The following NRG1 variants were observed in gnomAD, a reference collection of about 807,000 sequenced individuals.
The protein encoded by NRG1 is neuregulin 1.
In NRG1, 18 loss-of-function variants were observed where a neutral mutation model predicts 63.8. The observed-to-expected ratio is 0.28, with a 90% CI of 0.19 to 0.42. The LOEUF is 0.42. Ranked by LOEUF, NRG1 falls within the 10% of genes least tolerant of loss-of-function variation. The pLI, the probability that NRG1 is intolerant of heterozygous loss-of-function variation, is 1.00. For missense variants in NRG1, 762 were observed against 814.7 expected, an observed-to-expected ratio of 0.94 and a Z score of 0.79; for synonymous variants, 302 against 301.3, an observed-to-expected ratio of 1.00 and a Z score of -0.02.
At chr8:32,590,023 C>T (rs971264945) in intron 1 of NRG1, among the ~76,000 whole-genome samples, 1 of 152,078 alleles carries the variant, frequency 6.6e-6, no homozygotes, top group African/African-American at 2.4e-5. Flanking sequence ...CAAAAGTAGA[C>T]TTTGGAAGTA....
At chr8:31,692,506 A>T (rs986148487) in intron 1 of NRG1, among the ~76,000 whole-genome samples, 1 of 152,224 alleles carries the variant, frequency 6.6e-6, no homozygotes, top group Non-Finnish European at 1.5e-5. Context: ...AGAAAATATA[A>T]GATGATGTAA....
intron 5 of NRG1, among the ~76,000 whole-genome samples, chr8:32,674,531 A>G (rs375268233): frequency 3.3e-5 from 5 of 152,308 alleles, no homozygotes; most frequent in African/African-American, 7.2e-5. Flanking sequence ...CCTTGGGACA[A>G]TGTCATTCAG....
chr8:32,592,584 G>A (rs1842713484), intron 1 of NRG1, among the ~76,000 whole-genome samples: 1 of 152,060 alleles, frequency 6.6e-6, no homozygotes, highest in African/African-American at 2.4e-5. Flanking sequence ...ATAAACTAAT[G>A]AAGACAGAAG....
At chr8:31,678,051 A>C (rs995512910) in intron 1 of NRG1, among the ~76,000 whole-genome samples, 1 of 150,824 alleles carries the variant, frequency 6.6e-6, no homozygotes, top group Non-Finnish European at 1.5e-5. Flanking sequence ...AAAACTACAC[A>C]TAAACGAAAC....
At chr8:32,505,053 T>C (rs1055575812) in intron 1 of NRG1, among the ~76,000 whole-genome samples, 5 of 152,172 alleles carry the variant, frequency 3.3e-5, no homozygotes, top group Non-Finnish European at 7.3e-5. Flanking sequence ...AACTTTCAAG[T>C]AGTCCCTTTA....
chr8:32,298,395 T>TTTC (rs1458552814), intron 1 of NRG1, among the ~76,000 whole-genome samples: 2 of 152,194 alleles, frequency 1.3e-5, no homozygotes, highest in Non-Finnish European at 2.9e-5. Context: ...TGGCAAAGGC[T>TTTC]TTCATCTTCC....
intron 1 of NRG1, among the ~76,000 whole-genome samples, chr8:32,467,626 T>C (rs184062063): frequency 6.6e-6 from 1 of 152,282 alleles, no homozygotes; most frequent in African/African-American, 2.4e-5. Context: ...TACGCTAAAG[T>C]AGATACAAGG....
intron 1 of NRG1, among the ~76,000 whole-genome samples, chr8:31,927,055 T>C (rs1273351852): frequency 6.6e-6 from 1 of 152,192 alleles, no homozygotes; most frequent in Non-Finnish European, 1.5e-5. Flanking sequence ...TGGGTAGTTA[T>C]GTGCCAGACA....
chr8:32,686,603 A>G (rs990260901), intron 5 of NRG1, among the ~76,000 whole-genome samples: 4 of 152,222 alleles, frequency 2.6e-5, no homozygotes, highest in African/African-American at 9.6e-5. Context: ...ACACCTGATT[A>G]CCATTTAAGA....
intron 1 of NRG1, among the ~76,000 whole-genome samples, chr8:31,898,387 A>G (rs1157050301): frequency 6.6e-6 from 1 of 152,212 alleles, no homozygotes; most frequent in African/African-American, 2.4e-5. Flanking sequence ...AATTCCCATG[A>G]CATAACTATA....
chr8:32,383,500 C>T (rs1209998634), intron 1 of NRG1, among the ~76,000 whole-genome samples: 1 of 152,142 alleles, frequency 6.6e-6, no homozygotes, highest in Non-Finnish European at 1.5e-5. Context: ...TTTTTCCCAC[C>T]TGTGAACCTA....
At chr8:32,537,977 G>T (rs1181861389) in intron 1 of NRG1, among the ~76,000 whole-genome samples, 2 of 152,086 alleles carry the variant, frequency 1.3e-5, no homozygotes, top group African/African-American at 4.8e-5. Context: ...TCAGCCTCCG[G>T]AGTAGCTGGG....
At chr8:32,298,544 C>T (rs957876080) in intron 1 of NRG1, among the ~76,000 whole-genome samples, 3 of 151,412 alleles carry the variant, frequency 2.0e-5, no homozygotes, top group South Asian at 4.2e-4. Context: ...GGAGGAGCCC[C>T]GTCTTTACTA....
chr8:31,726,498 A>G (rs1223150825), intron 1 of NRG1, among the ~76,000 whole-genome samples: 1 of 152,178 alleles, frequency 6.6e-6, no homozygotes, highest in Non-Finnish European at 1.5e-5. Flanking sequence ...CTTTGATTTT[A>G]TTAGATCTAG....
At chr8:32,721,128 C>T (rs1820516776) in intron 5 of NRG1, among the ~76,000 whole-genome samples, 1 of 152,170 alleles carries the variant, frequency 6.6e-6, no homozygotes, top group South Asian at 2.1e-4. Context: ...ACTTATGTGA[C>T]CTTGGGCAGC....
At chr8:32,336,032 A>G (rs1044331861) in intron 1 of NRG1, among the ~76,000 whole-genome samples, 3 of 152,126 alleles carry the variant, frequency 2.0e-5, no homozygotes, top group African/African-American at 7.2e-5. Context: ...CACACCGGAA[A>G]TTGTACCCAA....
chr8:32,070,832 A>G (rs1172694098), intron 1 of NRG1, among the ~76,000 whole-genome samples: 1 of 152,144 alleles, frequency 6.6e-6, no homozygotes, highest in Non-Finnish European at 1.5e-5. Context: ...TGCATTTACT[A>G]TCCAAATCTG....
At chr8:32,053,571 A>G (rs1156294843) in intron 1 of NRG1, among the ~76,000 whole-genome samples, 1 of 152,180 alleles carries the variant, frequency 6.6e-6, no homozygotes, top group Non-Finnish European at 1.5e-5. Context: ...GGCCTCTGAC[A>G]TGATGTGTTT....
At chr8:32,511,151 C>G (rs1317094058) in intron 1 of NRG1, among the ~76,000 whole-genome samples, 1 of 150,580 alleles carries the variant, frequency 6.6e-6, no homozygotes, top group African/African-American at 2.4e-5. Flanking sequence ...ACCTCCTGGA[C>G]CAGATGAAAT....
Sources: allele counts gnomAD v4.1 joint callset (sites outside exome capture counted in the v4.1 genomes callset), GRCh38; gene constraint gnomAD v4.1.1; transcripts MANE v1.5; gene names NCBI Gene and HGNC (gene_info 2026-07-23, HGNC 2026-07-21).